Variants in TNIK observed in about 807,000 individuals in gnomAD.
The protein encoded by TNIK is TRAF2 and NCK interacting kinase, also known as TRAF2 and NCK-interacting protein kinase.
Under a neutral mutation model 191.3 loss-of-function variants are expected in TNIK, and 49 were observed. The ratio of observed to expected loss-of-function variants is 0.26; its 90% CI spans 0.20 to 0.32. TNIK has a LOEUF of 0.32. TNIK is among the 10% of genes least tolerant of loss of function. The pLI is 1.00. For missense variants in TNIK, 1,155 were observed against 1,702.3 expected, an observed-to-expected ratio of 0.68 and a Z score of 5.66; for synonymous variants, 594 against 600.9, an observed-to-expected ratio of 0.99 and a Z score of 0.17.
At chr3:171,118,981 C>T (rs1727218681) in intron 18 of TNIK, among the ~76,000 whole-genome samples, 2 of 152,148 alleles carry the variant, frequency 1.3e-5, no homozygotes. Flanking sequence ...GCAAAAGAAA[C>T]TACCATCAGA....
At chr3:171,283,368 GC>G (rs1033053413) in intron 2 of TNIK, among the ~76,000 whole-genome samples, 1 of 151,728 alleles carries the variant, frequency 6.6e-6, no homozygotes, top group Non-Finnish European at 1.5e-5. Flanking sequence ...AGAAGATTTG[GC>G]AACCTAAATG....
At chr3:171,240,441 G>C (rs909536829) in intron 2 of TNIK, among the ~76,000 whole-genome samples, 1 of 152,180 alleles carries the variant, frequency 6.6e-6, no homozygotes, top group Non-Finnish European at 1.5e-5. Context: ...CTAGGTTGCA[G>C]TAAGGATTAA....
At chr3:171,101,807 C>A in intron 21 of TNIK, 174 bp from the exon 22 acceptor site, 1 of 631,578 alleles carries the variant, frequency 1.6e-6, no homozygotes, top group Non-Finnish European at 2.6e-6. Context: ...CGTGTAGAAG[C>A]TAGAAAAGAA....
chr3:171,424,649 A>G (rs957178756), intron 1 of TNIK, among the ~76,000 whole-genome samples: 2 of 152,178 alleles, frequency 1.3e-5, no homozygotes, highest in African/African-American at 4.8e-5. Context: ...AATACAATGC[A>G]GCCATAAAAA....
intron 1 of TNIK, among the ~76,000 whole-genome samples, chr3:171,430,026 G>C (rs1201912566): frequency 6.6e-6 from 1 of 152,092 alleles, no homozygotes; most frequent in Admixed American, 6.6e-5. Flanking sequence ...AGAATCTCTA[G>C]AGGTAGATAG....
At chr3:171,129,421 G>A (rs1210954621) in intron 15 of TNIK, among the ~76,000 whole-genome samples, 3 of 152,182 alleles carry the variant, frequency 2.0e-5, no homozygotes, top group Non-Finnish European at 2.9e-5. Flanking sequence ...TGCGCGTGGC[G>A]TGTTTCAAAT....
Position 171,138,310 on chromosome 3 carries a change from T to G in TNIK, c.1489A>C (p.Arg497=), listed in dbSNP as rs777356193. The change falls in exon 15 of 33, where the codon AGA becomes CGA. Residue 497 remains arginine (R), a synonymous_variant. Transcript: ENST00000436636. ...TGCTGAAGGGAAACTAAGTAGTCTC[T>G]TTCTTGCTTTAGCTGCCTCTGCAGT... is the stretch of plus-strand genomic sequence containing the variant. ...ERLQRQLKQE[R]DYLVSLQHQR... 6.2e-7 allele frequency: 1 copy of G among 1,613,348 alleles called. No individual in the cohort carries two copies. Among genetic ancestry groups the G allele is most frequent in the Non-Finnish European group, 8.5e-7 (1 of 1,179,706 alleles).
At chr3:171,453,294 T>G (rs2108735022) in intron 1 of TNIK, among the ~76,000 whole-genome samples, 1 of 152,322 alleles carries the variant, frequency 6.6e-6, no homozygotes, top group South Asian at 2.1e-4. Context: ...GTGAGGTCAG[T>G]TCTGAGACAG....
Position 171,459,995 on chromosome 3 carries a change from C to G in TNIK, c.57+12G>C, listed in dbSNP as rs754390477. 6.5e-7 allele frequency: 1 copy of G among 1,545,674 alleles called. No individual in the cohort carries two copies. Among genetic ancestry groups the G allele is most frequent in the Non-Finnish European group, 8.8e-7 (1 of 1,138,486 alleles). On this transcript the variant is annotated intron_variant, in intron 1 of 32. Coordinates refer to ENST00000436636, the MANE Select transcript of TNIK (RefSeq NM_015028.4). The stretch of plus-strand genomic sequence containing the variant: ...AAACCACTGGAAAGAAACCAGAAAA[C>G]GTCCTGCTCACCCTCAGAGCCGAGA...
intron 1 of TNIK, among the ~76,000 whole-genome samples, chr3:171,378,030 T>C (rs921682128): frequency 6.6e-6 from 1 of 152,196 alleles, no homozygotes; most frequent in Non-Finnish European, 1.5e-5. Flanking sequence ...GAATGGGCAG[T>C]GACCTCAGGA....
intron 1 of TNIK, among the ~76,000 whole-genome samples, chr3:171,459,457 G>C (rs1382166866): frequency 1.3e-5 from 2 of 152,226 alleles, no homozygotes; most frequent in African/African-American, 2.4e-5. Context: ...GTAGAAAAGG[G>C]GGAGGGGGAG....
chr3:171,288,548 C>A (rs889027966), intron 2 of TNIK, among the ~76,000 whole-genome samples: 1 of 151,074 alleles, frequency 6.6e-6, no homozygotes. Flanking sequence ...GTGGCTCACG[C>A]CTGTAATCCC....
chr3:171,245,372 T>G (rs1560314695), intron 2 of TNIK, among the ~76,000 whole-genome samples: 1 of 152,088 alleles, frequency 6.6e-6, no homozygotes. Flanking sequence ...AATGGGCTGA[T>G]AAAAAAACAT....
intron 1 of TNIK, among the ~76,000 whole-genome samples, chr3:171,373,983 C>T: frequency 6.6e-6 from 1 of 152,178 alleles, no homozygotes; most frequent in South Asian, 2.1e-4. Flanking sequence ...TTACAAATGC[C>T]TCAAGAGCAA....
intron 1 of TNIK, among the ~76,000 whole-genome samples, chr3:171,373,976 C>T (rs986362945): frequency 5.3e-5 from 8 of 152,196 alleles, no homozygotes; most frequent in Non-Finnish European, 1.2e-4. Flanking sequence ...TGATGAATTA[C>T]AAATGCCTCA....
chr3:171,457,900 C>T (rs933934820), intron 1 of TNIK, among the ~76,000 whole-genome samples: 5 of 152,210 alleles, frequency 3.3e-5, no homozygotes, highest in African/African-American at 1.2e-4. Flanking sequence ...CACAAGAAAG[C>T]ACATCCCAAG....
intron 2 of TNIK, among the ~76,000 whole-genome samples, chr3:171,358,463 A>G (rs1297542380): frequency 6.6e-6 from 1 of 152,186 alleles, no homozygotes; most frequent in African/African-American, 2.4e-5. Context: ...CGAGAACAGT[A>G]TGAGGGAAAC....
intron 2 of TNIK, among the ~76,000 whole-genome samples, chr3:171,228,672 T>C (rs1560291021): frequency 1.3e-5 from 2 of 152,204 alleles, no homozygotes; most frequent in Non-Finnish European, 2.9e-5. Context: ...TCACCTGAGA[T>C]TGTTCATTTA....
chr3:171,230,528 C>G (rs1385445950), intron 2 of TNIK, among the ~76,000 whole-genome samples: 1 of 152,110 alleles, frequency 6.6e-6, no homozygotes, highest in Non-Finnish European at 1.5e-5. Context: ...TGCCATACCA[C>G]CTTGGTAGGC....
Sources: gnomAD v4.1 joint callset for allele counts (sites outside exome capture counted in the v4.1 genomes callset) on GRCh38, gnomAD v4.1.1 for gene constraint, MANE v1.5 for transcripts, NCBI Gene and HGNC (gene_info 2026-07-23, HGNC 2026-07-21) for gene names.